GNPAT: variants seen among roughly 807,000 people sequenced by gnomAD.
GNPAT encodes dihydroxyacetone phosphate acyltransferase.
A neutral mutation model predicts 78.4 loss-of-function variants in GNPAT; 30 were observed. That is an observed-to-expected ratio of 0.38 (90% CI 0.29 to 0.52). The LOEUF (loss-of-function observed/expected upper bound fraction) is 0.52, where lower values mean the gene tolerates loss of function less well. Among genes scored for constraint, GNPAT ranks in the 20% least tolerant of loss-of-function variants. GNPAT has a pLI of 0.84. For synonymous variants in GNPAT, 271 were observed against 281.1 expected (o/e 0.96, Z 0.36); for missense variants, 714 against 812.2 (o/e 0.88, Z 1.47).
Position 231,277,484 on chromosome 1 carries a change from CTT to C in GNPAT, c.2000-10_2000-9del. The C allele has an allele frequency of 6.4e-7, 1 of 1,554,524 alleles. No homozygotes were observed. The highest frequency in any genetic ancestry group is 8.9e-7 in the Non-Finnish European group (1 of 1,125,604). ...CAGCATCATTTCATGAGCTGCTTCTCTTTTTTCATCTTAGGTTGTAAGACACC... is the reference window on the plus strand; with the variant it reads ...CAGCATCATTTCATGAGCTGCTTCTCTTTTCATCTTAGGTTGTAAGACACC... On this transcript the variant is annotated splice_polypyrimidine_tract_variant and intron_variant, in intron 15 of 15. Transcript: ENST00000366647.
chr1:231,275,241 G>T lies in GNPAT; in HGVS notation c.1764G>T (p.Leu588Phe). Residue 588 changes from leucine (L) to phenylalanine (F), a missense_variant, in exon 13 of 16, where the codon TTG becomes TTT. By Grantham distance (22) the Leu-to-Phe change is conservative. Transcript: ENST00000366647. ...ATCAGATAATTTGCAAGTACCTTTT[G>T]AGTGAAGAAGAGGACCACTTCAGTG... Reference protein sequence around the residue: ...ESYQIICKYLLSEEEDHFSEE... With the variant: ...ESYQIICKYLFSEEEDHFSEE... 1 of 1,606,722 alleles carries T rather than the reference G, an allele frequency of 6.2e-7. No individual in the cohort carries two copies. The highest frequency in any genetic ancestry group is 1.1e-5 in the South Asian group (1 of 90,912).
intron 9 of GNPAT, among the ~76,000 whole-genome samples, chr1:231,269,393 TC>T (rs1249008335): frequency 6.6e-6 from 1 of 151,846 alleles, no homozygotes; most frequent in Non-Finnish European, 1.5e-5. Flanking sequence ...AAGATGGACC[TC>T]CCCGCCTCCT....
chr1:231,263,131 G>A (rs996673335), intron 4 of GNPAT, among the ~76,000 whole-genome samples: 1 of 152,070 alleles, frequency 6.6e-6, no homozygotes, highest in African/African-American at 2.4e-5. Context: ...TTTTTTATTT[G>A]ATAATATATT....
intron 1 of GNPAT, among the ~76,000 whole-genome samples, chr1:231,244,406 G>A (rs1684694885): frequency 6.6e-6 from 1 of 152,142 alleles, no homozygotes; most frequent in Non-Finnish European, 1.5e-5. Flanking sequence ...GTGATATTTA[G>A]GACAGTAAAT....
chr1:231,244,645 T>C (rs1684701690), intron 1 of GNPAT, among the ~76,000 whole-genome samples: 1 of 152,186 alleles, frequency 6.6e-6, no homozygotes, highest in African/African-American at 2.4e-5. Flanking sequence ...TGGATTATCA[T>C]GTTATGAGCC....
rs1284203465 is a variant in GNPAT, at chr1:231,275,273, A to G, written c.1796A>G (p.Gln599Arg). The change falls in exon 13 of 16, where the codon CAG (glutamine) becomes CGG (arginine). Residue 599 changes from glutamine (Q) to arginine (R), a missense_variant. Coordinates refer to ENST00000366647, the MANE Select transcript of GNPAT (RefSeq NM_014236.4). ...GAAGAGGACCACTTCAGTGAGGAAC[A>G]GTACTTGGCTGCAGTCAGAAAATTC... The part of the protein sequence containing the change: ...SEEEDHFSEE[Q>R]YLAAVRKFTS... 3.7e-6 allele frequency: 6 copies of G among 1,613,272 alleles called. No homozygotes were observed. The highest frequency in any genetic ancestry group is 5.1e-6 in the Non-Finnish European group (6 of 1,179,258).
chr1:231,248,878 ATAC>A (rs1436223113), intron 1 of GNPAT, among the ~76,000 whole-genome samples: 1 of 152,228 alleles, frequency 6.6e-6, no homozygotes, highest in Non-Finnish European at 1.5e-5. Flanking sequence ...GCTAACCACT[ATAC>A]TATATATAGC....
Position 231,270,813 on chromosome 1 carries a change from T to A in GNPAT, c.1335T>A (p.Ile445=). 3 of 1,614,064 alleles carry A rather than the reference T, an allele frequency of 1.9e-6. No homozygotes were observed. Among genetic ancestry groups the A allele is most frequent in the Non-Finnish European group, 2.5e-6 (3 of 1,179,942 alleles). The part of the protein sequence containing the change: ...VPASILLHSN[I]ASLVKDQVIL... ...CCAGCATTCTTCTGCATTCCAACAT[T>A]GCCAGCCTTGTCAAAGACCAGGTGA... The change falls in exon 10 of 16, where the codon ATT becomes ATA. Residue 445 remains isoleucine (I), a synonymous_variant. Coordinates refer to ENST00000366647, the MANE Select transcript of GNPAT (RefSeq NM_014236.4).
At chr1:231,271,099 G>A (rs763903871) in intron 10 of GNPAT, 99 bp downstream of exon 10, 1 of 1,330,174 alleles carries the variant, frequency 7.5e-7, no homozygotes, top group Non-Finnish European at 1.1e-6. Context: ...TCAGCCTCAC[G>A]CCGGTGAAGA....
intron 3 of GNPAT, among the ~76,000 whole-genome samples, chr1:231,262,375 A>G (rs1406212241): frequency 3.3e-5 from 5 of 152,242 alleles, no homozygotes; most frequent in East Asian, 1.9e-4. Flanking sequence ...AAGAAAGCTA[A>G]GGCTTAGACC....
chr1:231,247,381 A>T (rs1398199283), intron 1 of GNPAT, among the ~76,000 whole-genome samples: 1 of 152,200 alleles, frequency 6.6e-6, no homozygotes, highest in Non-Finnish European at 1.5e-5. Flanking sequence ...AGAAGTTCAC[A>T]GTCTTGTAAG....
rs1358393514 is a variant in GNPAT, at chr1:231,277,968, CA to C, written c.*428del. 1 of 160,548 alleles carries C rather than the reference CA, an allele frequency of 6.2e-6. No individual in the cohort carries two copies. The highest frequency in any genetic ancestry group is 2.4e-5 in the African/African-American group (1 of 41,578). 9.9% of individuals were successfully genotyped at this position (160,548 alleles called of 1,614,324 possible). On this transcript the variant is annotated 3_prime_UTR_variant, in exon 16 of 16. Transcript: ENST00000366647. ...TTGCTTTAATTAAAGTTGCCTCAAA[CA>C]AGTACAAATTTGAAAGAGATATTTA...
rs1571960128 is a variant in GNPAT, at chr1:231,275,378, C to T, written c.1844-27C>T. On this transcript the variant is annotated intron_variant, in intron 13 of 15. Coordinates refer to ENST00000366647, the MANE Select transcript of GNPAT (RefSeq NM_014236.4). ...TTAGTTGAGAATAGAAACTGGTCAA[C>T]TAACTCTTCCTCACCCCCAATTTTA... 8 of 1,564,418 alleles carry T rather than the reference C, an allele frequency of 5.1e-6. No homozygotes were observed. The East Asian group carries it at 1.8e-4, about 35-fold the overall frequency.
intron 10 of GNPAT, 103 bp downstream of exon 10, chr1:231,271,103 G>T: frequency 1.6e-6 from 2 of 1,282,798 alleles, no homozygotes; most frequent in Non-Finnish European, 2.3e-6. Context: ...CCTCACGCCG[G>T]TGAAGAGCAG....
In GNPAT at chr1:231,265,544, A is replaced by G. The variant is rs151141330; in HGVS notation, c.696+124A>G. 266 of 930,554 alleles carry G rather than the reference A, an allele frequency of 2.9e-4. No homozygotes were observed. The African/African-American group carries it at 4.0e-3, about 14-fold the overall frequency. The allele number at this position is 930,554 out of a possible 1,614,324, so 57.6% of individuals were successfully genotyped here. A position where few individuals can be genotyped will look rare whatever the true frequency, so the allele number is the denominator to read the frequency against. On this transcript the variant is annotated intron_variant, in intron 5 of 15. Transcript: ENST00000366647. ...TTGCTTTCCCTCAAGAACTGCTTAT[A>G]ACCTCAGCAATTGGTTTAATCTGTG... is the stretch of plus-strand genomic sequence containing the variant.
intron 12 of GNPAT, 200 bp from the exon 13 acceptor site, chr1:231,275,021 T>C: frequency 1.8e-6 from 1 of 550,890 alleles, no homozygotes; most frequent in Non-Finnish European, 3.2e-6. Context: ...AATCTTTTTC[T>C]AATTGTAAAA....
At position 231,267,826 on chromosome 1, in the gene GNPAT, A is replaced by C; in HGVS notation, c.1202A>C (p.Asp401Ala). Residue 401 changes from aspartate (D) to alanine (A), a missense_variant, in exon 9 of 16, where the codon GAC becomes GCC. Asp to Ala is a moderately radical substitution (Grantham distance 126). Transcript: ENST00000366647. The part of the protein sequence containing the change: ...AVLLQNRPSM[D>A]FDALVEKTLW... ...CTGCTTCAGAACCGGCCATCCATGG[A>C]CTTTGATGCTCTGGTGGAAAAGACT... 1 of 1,613,958 alleles carries C rather than the reference A, an allele frequency of 6.2e-7. No individual in the cohort carries two copies. Among genetic ancestry groups the C allele is most frequent in the Non-Finnish European group, 8.5e-7 (1 of 1,179,838 alleles).
intron 3 of GNPAT, among the ~76,000 whole-genome samples, chr1:231,262,008 C>T (rs1022950249): frequency 5.9e-5 from 9 of 152,146 alleles, no homozygotes; most frequent in Non-Finnish European, 1.3e-4. Flanking sequence ...AAGTGATGAT[C>T]ACAGATTACC....
chr1:231,248,578 AAACTT>A (rs1245531621), intron 1 of GNPAT, among the ~76,000 whole-genome samples: 4 of 152,204 alleles, frequency 2.6e-5, no homozygotes, highest in Non-Finnish European at 5.9e-5. Flanking sequence ...AAAAAAAAAA[AAACTT>A]AAATGTAAAA....
Sources: gnomAD v4.1 joint callset for allele counts (sites outside exome capture counted in the v4.1 genomes callset) on GRCh38, gnomAD v4.1.1 for gene constraint, MANE v1.5 for transcripts, NCBI Gene and HGNC (gene_info 2026-07-23, HGNC 2026-07-21) for gene names.